Variants in PPFIA2 observed in about 807,000 individuals in gnomAD.
PPFIA2 encodes PPFI scaffold protein A2.
Under a neutral mutation model 175.5 loss-of-function variants are expected in PPFIA2, and 46 were observed. The observed-to-expected ratio is 0.26, with a 90% CI of 0.21 to 0.34. PPFIA2 has a LOEUF of 0.34. Among genes scored for constraint, PPFIA2 ranks in the 10% least tolerant of loss-of-function variants. The pLI is 1.00. For missense variants in PPFIA2, 1,179 were observed against 1,506.1 expected (o/e 0.78, Z 3.60); for synonymous variants, 568 against 511.4 (o/e 1.11, Z -1.49).
Position 81,445,662 on chromosome 12 carries a change from G to A in PPFIA2, c.464C>T (p.Thr155Met), listed in dbSNP as rs758917298. Reference protein sequence around the residue: ...VSRHERSLRMTVVKRQAQSPS... With the variant: ...VSRHERSLRMMVVKRQAQSPS... The stretch of plus-strand genomic sequence containing the variant: ...AGACTGGGCTTGCCGTTTTACCACC[G>A]TCATTCTTAGTGATCTTTCATGTCG... Residue 155 changes from threonine to methionine, a missense_variant, in exon 6 of 33, where the codon ACG becomes ATG. Around this residue, in one of 10 missense-constraint regions of PPFIA2, gnomAD observed 49 missense variants for 108.9 expected, o/e 0.45. Coordinates refer to ENST00000549396, the MANE Select transcript of PPFIA2 (RefSeq NM_003625.5). 1.2e-6 allele frequency: 2 copies of A among 1,613,816 alleles called. No homozygotes were observed. The highest frequency in any genetic ancestry group is 1.7e-5 in the Admixed American group (1 of 59,998).
intron 3 of PPFIA2, among the ~76,000 whole-genome samples, chr12:81,708,363 A>C (rs1008013698): frequency 2.0e-5 from 3 of 152,180 alleles, no homozygotes; most frequent in African/African-American, 7.2e-5. Context: ...AACCAAACTA[A>C]AGATATGGAG....
At chr12:81,376,850 A>G (rs1228117307) in intron 9 of PPFIA2, among the ~76,000 whole-genome samples, 1 of 152,172 alleles carries the variant, frequency 6.6e-6, no homozygotes, top group East Asian at 1.9e-4. Context: ...GAATCATTTC[A>G]TCACTTATTC....
intron 4 of PPFIA2, among the ~76,000 whole-genome samples, chr12:81,621,987 C>T (rs2062095631): frequency 6.6e-6 from 1 of 152,140 alleles, no homozygotes; most frequent in Non-Finnish European, 1.5e-5. Context: ...AGCCCTGTAA[C>T]ATCCCAATAT....
chr12:81,424,751 T>G (rs1293724603), intron 7 of PPFIA2: 1 of 152,184 alleles, frequency 6.6e-6, no homozygotes, highest in Non-Finnish European at 1.5e-5. Context: ...AAAGTTTTCT[T>G]TATATGTTTA....
chr12:81,634,208 C>A (rs2063728489), intron 4 of PPFIA2, among the ~76,000 whole-genome samples: 1 of 152,030 alleles, frequency 6.6e-6, no homozygotes, highest in Admixed American at 6.5e-5. Flanking sequence ...AGGTTGGCAT[C>A]TTTTTGTAGC....
intron 9 of PPFIA2, among the ~76,000 whole-genome samples, chr12:81,381,441 G>A (rs911197715): frequency 6.6e-6 from 1 of 152,030 alleles, no homozygotes; most frequent in African/African-American, 2.4e-5. Flanking sequence ...ATTGAATGTT[G>A]GGCCTTACCT....
chr12:81,661,923 A>G (rs1393413248), intron 4 of PPFIA2, among the ~76,000 whole-genome samples: 2 of 152,206 alleles, frequency 1.3e-5, no homozygotes, highest in East Asian at 3.8e-4. Flanking sequence ...CTACATGGAA[A>G]CTGAACAACC....
At position 81,457,830 on chromosome 12, in the gene PPFIA2, T is replaced by G. The variant is rs765648034; in HGVS notation, c.340A>C (p.Arg114=). The G allele has an allele frequency of 2.1e-5, 34 of 1,609,342 alleles. No homozygotes were observed. The highest frequency in any genetic ancestry group is 4.2e-6 in the Non-Finnish European group (5 of 1,178,050). The change falls in exon 5 of 33, where the codon AGG becomes CGG. Residue 114 remains arginine, a synonymous_variant. Transcript: ENST00000549396. ...AALTKELNAC[R]EQLLEKEEEI... is the part of the protein sequence containing the mutation. ...TCTTCCTTTTCTAGAAGTTGTTCCC[T>G]GCAGGCATTTAATTCTTTTGTCAGT...
intron 22 of PPFIA2, among the ~76,000 whole-genome samples, chr12:81,314,370 G>C (rs892675144): frequency 1.3e-5 from 2 of 151,806 alleles, no homozygotes; most frequent in South Asian, 2.1e-4. Flanking sequence ...AAGTGTCAAG[G>C]CTATGTTAAT....
chr12:81,405,872 A>G lies in PPFIA2; in HGVS notation c.677T>C (p.Ile226Thr), dbSNP rs1239175637. ...CTCGCTTGATGCCATTTTTCTTTGT[A>G]TATGAACATTTTGTTCACGCAAGGC... ...IVALREQNVH[I>T]QRKMASSEGS... The change falls in exon 8 of 33, where the codon ATA becomes ACA. Residue 226 changes from isoleucine (I) to threonine (T), a missense_variant. Physicochemically the swap from Ile to Thr is moderately conservative, Grantham distance 89. Around this residue, in one of 10 missense-constraint regions of PPFIA2, gnomAD observed 226 missense variants for 216.6 expected, o/e 1.04. Transcript: ENST00000549396. 5 of 1,574,838 alleles carry G rather than the reference A, an allele frequency of 3.2e-6. No homozygotes were observed. The highest frequency in any genetic ancestry group is 1.3e-5 in the African/African-American group (1 of 74,334).
At chr12:81,749,377 C>G (rs2083455696) in intron 3 of PPFIA2, among the ~76,000 whole-genome samples, 1 of 143,734 alleles carries the variant, frequency 7.0e-6, no homozygotes, top group African/African-American at 2.4e-5. Context: ...TTCCCCATCC[C>G]CTTTACAAAC....
At chr12:81,401,005 G>A (rs988568945) in intron 8 of PPFIA2, among the ~76,000 whole-genome samples, 2 of 151,984 alleles carry the variant, frequency 1.3e-5, no homozygotes, top group African/African-American at 2.4e-5. Context: ...TCATATTGTT[G>A]ACTCCTGGTA....
At chr12:81,598,449 T>C in intron 4 of PPFIA2, 1 of 890,600 alleles carries the variant, frequency 1.1e-6, no homozygotes, top group Non-Finnish European at 1.4e-6. Context: ...AACATACAGT[T>C]TCATTTCAGG....
At chr12:81,664,541 G>A (rs1664758962) in intron 4 of PPFIA2, among the ~76,000 whole-genome samples, 1 of 152,098 alleles carries the variant, frequency 6.6e-6, no homozygotes, top group South Asian at 2.1e-4. Context: ...GAAACAACAG[G>A]TGCTGGAGAG....
Position 81,375,848 on chromosome 12 carries a change from A to G in PPFIA2, c.1079T>C (p.Met360Thr). The G allele has an allele frequency of 1.9e-6, 3 of 1,608,898 alleles. No individual in the cohort carries two copies. Among genetic ancestry groups the G allele is most frequent in the Middle Eastern group, 1.7e-4 (1 of 6,052 alleles). The part of the protein sequence containing the change: ...AQRESTSIHD[M>T]NDKLENELAN... Reference sequence around the variant, plus strand: ...TAACTCATTTTCTAGTTTATCATTCATGTCATGTATGGAGGTAGATTCTCT... The same window carrying G: ...TAACTCATTTTCTAGTTTATCATTCGTGTCATGTATGGAGGTAGATTCTCT... The change falls in exon 10 of 33, where the codon ATG becomes ACG. Residue 360 changes from methionine to threonine, a missense_variant. By Grantham distance (81) the Met-to-Thr change is moderately conservative. Transcript: ENST00000549396.
At chr12:81,357,844 T>A (rs2061074673) in intron 16 of PPFIA2, among the ~76,000 whole-genome samples, 1 of 152,180 alleles carries the variant, frequency 6.6e-6, no homozygotes, top group South Asian at 2.1e-4. Context: ...GAACTTAGTA[T>A]ACAAGTAGTA....
intron 3 of PPFIA2, among the ~76,000 whole-genome samples, chr12:81,739,252 T>C (rs1320634279): frequency 1.5e-4 from 23 of 152,050 alleles, no homozygotes. Context: ...CTAAAACTTA[T>C]GATTTCAGAA....
At chr12:81,679,163 T>C (rs2073135446) in intron 3 of PPFIA2, among the ~76,000 whole-genome samples, 1 of 151,870 alleles carries the variant, frequency 6.6e-6, no homozygotes, top group African/African-American at 2.4e-5. Flanking sequence ...GACTAAAATA[T>C]TAGATTTACA....
intron 3 of PPFIA2, among the ~76,000 whole-genome samples, chr12:81,704,645 C>A (rs1284397179): frequency 1.3e-5 from 2 of 151,898 alleles, no homozygotes; most frequent in Non-Finnish European, 1.5e-5. Context: ...ATTAAATTAC[C>A]CATATACTTG....
Sources: allele counts gnomAD v4.1 joint callset (sites outside exome capture counted in the v4.1 genomes callset), GRCh38; gene constraint gnomAD v4.1.1; regional missense constraint gnomAD v4.1.1; transcripts MANE v1.5; gene names NCBI Gene and HGNC (gene_info 2026-07-23, HGNC 2026-07-21).